ADGRL3: variants seen among roughly 807,000 people sequenced by gnomAD.
ADGRL3 encodes calcium-independent alpha-latrotoxin receptor 3.
ADGRL3 carries 62 observed loss-of-function variants against 153.5 expected under a neutral mutation model. The ratio of observed to expected loss-of-function variants is 0.40; its 90% CI spans 0.33 to 0.50. The LOEUF (loss-of-function observed/expected upper bound fraction) is 0.50, where lower values mean the gene tolerates loss of function less well. ADGRL3 is among the 20% of genes least tolerant of loss of function. The pLI is 0.47. For missense variants in ADGRL3, 1,641 were observed against 1,859.4 expected (o/e 0.88, Z 2.16); for synonymous variants, 710 against 672.5 (o/e 1.06, Z -0.86).
intron 10 of ADGRL3, among the ~76,000 whole-genome samples, chr4:61,893,607 C>A (rs2098605113): frequency 6.6e-6 from 1 of 152,054 alleles, no homozygotes; most frequent in African/African-American, 2.4e-5. Flanking sequence ...CTGTCAGGGA[C>A]CATGCTGCAG....
chr4:61,782,757 AAGAC>A (rs2097228832), intron 8 of ADGRL3, among the ~76,000 whole-genome samples: 2 of 152,306 alleles, frequency 1.3e-5, no homozygotes, highest in African/African-American at 4.8e-5. Flanking sequence ...ATAGAGAAAG[AAGAC>A]TCTGCCAGTA....
intron 1 of ADGRL3, among the ~76,000 whole-genome samples, chr4:61,341,363 TA>T (rs1391847446): frequency 1.3e-5 from 2 of 151,932 alleles, no homozygotes; most frequent in African/African-American, 4.8e-5. Context: ...TGAATTTTTA[TA>T]AAGATATCAG....
chr4:61,876,960 G>C (rs914878300), intron 9 of ADGRL3, among the ~76,000 whole-genome samples: 2 of 151,010 alleles, frequency 1.3e-5, no homozygotes, highest in African/African-American at 2.4e-5. Flanking sequence ...AAGATGAGAA[G>C]GGACCTTTTA....
At chr4:61,577,547 GC>G (rs1290543394) in intron 4 of ADGRL3, among the ~76,000 whole-genome samples, 1 of 151,876 alleles carries the variant, frequency 6.6e-6, no homozygotes, top group Non-Finnish European at 1.5e-5. Flanking sequence ...GAGGTGGCTT[GC>G]CCCTGTAATC....
At chr4:61,505,371 G>A (rs2098420964) in intron 3 of ADGRL3, among the ~76,000 whole-genome samples, 1 of 151,970 alleles carries the variant, frequency 6.6e-6, no homozygotes, top group Non-Finnish European at 1.5e-5. Context: ...CTTGTGGGTT[G>A]TCTCCTCACT....
At chr4:61,905,819 G>A (rs962420475) in intron 11 of ADGRL3, among the ~76,000 whole-genome samples, 1 of 151,594 alleles carries the variant, frequency 6.6e-6, no homozygotes. Context: ...CACTTGAACT[G>A]GGGAGACAGA....
chr4:61,890,770 T>C (rs796947899), intron 9 of ADGRL3, among the ~76,000 whole-genome samples: 105 of 152,276 alleles, frequency 6.9e-4, no homozygotes, highest in African/African-American at 2.5e-3. Context: ...TAGTATGATG[T>C]CAAAAAAGAT....
chr4:61,719,660 T>C (rs1384113529), intron 6 of ADGRL3, among the ~76,000 whole-genome samples: 1 of 150,532 alleles, frequency 6.6e-6, no homozygotes, highest in Non-Finnish European at 1.5e-5. Flanking sequence ...TAGAGTGCAG[T>C]GGCCATGCTT....
At chr4:61,303,026 A>G (rs1226417707) in intron 1 of ADGRL3, among the ~76,000 whole-genome samples, 1 of 152,210 alleles carries the variant, frequency 6.6e-6, no homozygotes, top group Non-Finnish European at 1.5e-5. Flanking sequence ...ACAGTATACT[A>G]TTAAATATAA....
intron 6 of ADGRL3, among the ~76,000 whole-genome samples, chr4:61,708,243 G>A (rs181801379): frequency 4.6e-5 from 7 of 152,110 alleles, no homozygotes; most frequent in Admixed American, 1.3e-4. Flanking sequence ...GTACGGAGAG[G>A]GATTTAGAGG....
At chr4:61,346,368 T>A (rs902076700) in intron 1 of ADGRL3, among the ~76,000 whole-genome samples, 2 of 150,730 alleles carry the variant, frequency 1.3e-5, no homozygotes, top group Non-Finnish European at 2.9e-5. Context: ...AGATGGCTTG[T>A]ATGGGGGAGA....
At chr4:61,470,862 T>C (rs1392210632) in intron 2 of ADGRL3, among the ~76,000 whole-genome samples, 1 of 151,984 alleles carries the variant, frequency 6.6e-6, no homozygotes, top group Non-Finnish European at 1.5e-5. Context: ...AATTTTTAAA[T>C]TCATGATGTA....
intron 2 of ADGRL3, among the ~76,000 whole-genome samples, chr4:61,468,944 A>G (rs781336294): frequency 1.3e-5 from 2 of 152,152 alleles, no homozygotes; most frequent in African/African-American, 2.4e-5. Context: ...ACAAAGTTAT[A>G]ATGAAACTCT....
At chr4:61,883,065 G>A (rs535149027) in intron 9 of ADGRL3, among the ~76,000 whole-genome samples, 6 of 152,140 alleles carry the variant, frequency 3.9e-5, no homozygotes, top group Admixed American at 2.6e-4. Context: ...GCAGTGAGCC[G>A]AGATTGTGCC....
intron 2 of ADGRL3, among the ~76,000 whole-genome samples, chr4:61,445,678 G>A (rs1317309894): frequency 1.3e-5 from 2 of 152,082 alleles, no homozygotes; most frequent in African/African-American, 4.8e-5. Flanking sequence ...CTTAATTTCA[G>A]CATTACTTTC....
intron 5 of ADGRL3, among the ~76,000 whole-genome samples, chr4:61,676,236 C>G (rs2095187496): frequency 2.6e-5 from 4 of 151,920 alleles, no homozygotes; most frequent in African/African-American, 9.7e-5. Flanking sequence ...AGGAACGTGA[C>G]AGTTAATTCC....
intron 8 of ADGRL3, among the ~76,000 whole-genome samples, chr4:61,781,331 C>CAAAAAAAAA (rs71281828): frequency 1.4e-4 from 9 of 64,424 alleles, no homozygotes; most frequent in African/African-American, 5.3e-4. Context: ...ATTCTGCCTC[C>CAAAAAAAAA]AAAAAAAAAA....
chr4:61,573,274 A>C (rs1334815258), intron 4 of ADGRL3, among the ~76,000 whole-genome samples: 1 of 151,942 alleles, frequency 6.6e-6, no homozygotes, highest in Non-Finnish European at 1.5e-5. Context: ...CTTTTTTCCA[A>C]ATTAGAATTA....
chr4:61,597,650 G>T (rs549331338), intron 5 of ADGRL3, among the ~76,000 whole-genome samples: 1 of 150,166 alleles, frequency 6.7e-6, no homozygotes, highest in African/African-American at 2.4e-5. Flanking sequence ...CATGGTAATG[G>T]TCGTTTTTTG....
Sources: allele counts gnomAD v4.1 joint callset (sites outside exome capture counted in the v4.1 genomes callset), GRCh38; gene constraint gnomAD v4.1.1; transcripts MANE v1.5; gene names NCBI Gene and HGNC (gene_info 2026-07-23, HGNC 2026-07-21).